AKAP13: variants seen among roughly 807,000 people sequenced by gnomAD.
AKAP13 encodes the protein A-kinase anchoring protein 13.
In AKAP13, 80 loss-of-function variants were observed where a neutral mutation model predicts 264.5. The observed-to-expected ratio is 0.30, with a 90% CI of 0.25 to 0.36. The LOEUF (loss-of-function observed/expected upper bound fraction) is 0.36. Ranked by LOEUF, AKAP13 falls within the 10% of genes least tolerant of loss-of-function variation. AKAP13 has a pLI of 1.00. For missense variants in AKAP13, 3,712 were observed against 3,435.2 expected, an observed-to-expected ratio of 1.08 and a Z score of -2.01; for synonymous variants, 1,380 against 1,250.2, an observed-to-expected ratio of 1.10 and a Z score of -2.19.
At chr15:85,612,861 T>G (rs72760494) in intron 8 of AKAP13, among the ~76,000 whole-genome samples, 12,118 of 150,580 alleles carry the variant, frequency 0.08, 676 homozygotes, top group East Asian at 0.2. Context: ...AAAGTAAATG[T>G]GGAGAGAACA....
At chr15:85,737,313 C>G (rs2088613199) in intron 33 of AKAP13, among the ~76,000 whole-genome samples, 1 of 152,100 alleles carries the variant, frequency 6.6e-6, no homozygotes, top group Non-Finnish European at 1.5e-5. Flanking sequence ...CATCCCCCAT[C>G]CCACCCCCAG....
At chr15:85,434,476 A>G (rs926531104) in intron 1 of AKAP13, among the ~76,000 whole-genome samples, 3 of 152,212 alleles carry the variant, frequency 2.0e-5, no homozygotes, top group Admixed American at 2.0e-4. Flanking sequence ...ACCACAGCTC[A>G]AGAAGGCCTG....
At chr15:85,569,515 C>T (rs1170352288) in intron 5 of AKAP13, among the ~76,000 whole-genome samples, 4 of 142,470 alleles carry the variant, frequency 2.8e-5, no homozygotes, top group Admixed American at 7.4e-5. Context: ...TGCAATGCAT[C>T]GATCTCGGCT....
chr15:85,699,458 A>G (rs2085776233), intron 17 of AKAP13, among the ~76,000 whole-genome samples: 1 of 151,440 alleles, frequency 6.6e-6, no homozygotes, highest in African/African-American at 2.4e-5. Flanking sequence ...AAAAAAAAAA[A>G]TTCTTTTTAC....
intron 12 of AKAP13, 84 bp from the exon 13 acceptor site, chr15:85,664,479 A>C: frequency 7.4e-7 from 1 of 1,343,624 alleles, no homozygotes; most frequent in Admixed American, 2.2e-5. Flanking sequence ...CAAACAAGGG[A>C]GATATACCCA....
intron 8 of AKAP13, among the ~76,000 whole-genome samples, chr15:85,630,210 TCATGAACTAAGATGGAAAATTGTAAC>T: frequency 8.4e-5 from 1 of 11,940 alleles, no homozygotes. Flanking sequence ...CACACACACA[TCATGAACTAAGATGGAAAATTGTAAC>T]ACACACACAC....
At chr15:85,477,645 A>G (rs1305935398) in intron 1 of AKAP13, among the ~76,000 whole-genome samples, 2 of 151,600 alleles carry the variant, frequency 1.3e-5, no homozygotes, top group Non-Finnish European at 2.9e-5. Context: ...AGGAAAAAAA[A>G]AAAAAAAAAA....
rs761019500 is a variant in AKAP13, at chr15:85,708,008, T to A, written c.5465-11T>A. Reference sequence around the variant, plus strand: ...TTTGTCCATGTGACCTTGGGTTTGCTTTCTTTTCAGATTGCAGTGCTTTTG... The same window carrying A: ...TTTGTCCATGTGACCTTGGGTTTGCATTCTTTTCAGATTGCAGTGCTTTTG... On this transcript the variant is annotated splice_polypyrimidine_tract_variant and intron_variant, in intron 17 of 36. Coordinates refer to ENST00000394518, the MANE Select transcript of AKAP13 (RefSeq NM_007200.5). This position sits in a 1 kb window ranked among gnomAD's most constrained non-coding sequence, Gnocchi z 4.3. The A allele has an allele frequency of 6.2e-7, 1 of 1,613,576 alleles. No individual in the cohort carries two copies. Among genetic ancestry groups the A allele is most frequent in the Non-Finnish European group, 8.5e-7 (1 of 1,179,716 alleles).
intron 1 of AKAP13, among the ~76,000 whole-genome samples, chr15:85,434,742 A>G (rs1298326887): frequency 6.6e-6 from 1 of 152,112 alleles, no homozygotes; most frequent in Non-Finnish European, 1.5e-5. Flanking sequence ...GTATTCTAAC[A>G]GACCTGCAGC....
intron 5 of AKAP13, among the ~76,000 whole-genome samples, chr15:85,556,957 C>T (rs1002165224): frequency 2.0e-5 from 3 of 152,194 alleles, no homozygotes; most frequent in African/African-American, 4.8e-5. Flanking sequence ...AAATTCTCTA[C>T]ACAATTTTGC....
rs769840692 is a variant in AKAP13 at position 85,580,332 on chromosome 15, T to C, written c.2264T>C (p.Met755Thr). ...AAACTAGATAAACCTTTAACAAATA[T>C]GCTTGAGGTGGTTTCACATCCACAT... Reference protein sequence around the residue: ...DVKLDKPLTNMLEVVSHPHPV... With the variant: ...DVKLDKPLTNTLEVVSHPHPV... Residue 755 changes from methionine (M) to threonine (T), a missense_variant, in exon 7 of 37, where the codon ATG becomes ACG. Met to Thr is a moderately conservative substitution (Grantham distance 81, BLOSUM62 -1). Coordinates refer to ENST00000394518, the MANE Select transcript of AKAP13 (RefSeq NM_007200.5). The C allele has an allele frequency of 3.7e-6, 6 of 1,614,088 alleles. No individual in the cohort carries two copies. The African/African-American group carries it at 4.0e-5, about 11-fold the overall frequency.
chr15:85,411,658 C>T (rs1195954564), intron 1 of AKAP13, among the ~76,000 whole-genome samples: 2 of 152,216 alleles, frequency 1.3e-5, no homozygotes, highest in South Asian at 4.2e-4. Context: ...AGGGTGGTCT[C>T]GATCTCTTGA....
chr15:85,644,635 G>T (rs376017554), intron 9 of AKAP13, among the ~76,000 whole-genome samples: 1 of 144,910 alleles, frequency 6.9e-6, no homozygotes, highest in Admixed American at 7.1e-5. Flanking sequence ...GGATCACATG[G>T]TCAGGAGATG....
At chr15:85,488,374 T>C (rs921343674) in intron 2 of AKAP13, among the ~76,000 whole-genome samples, 1 of 152,236 alleles carries the variant, frequency 6.6e-6, no homozygotes, top group Non-Finnish European at 1.5e-5. Context: ...AGATATGTTC[T>C]ATAGCTTTCT....
chr15:85,635,921 T>C (rs1012725490), intron 8 of AKAP13, among the ~76,000 whole-genome samples: 3 of 152,222 alleles, frequency 2.0e-5, no homozygotes, highest in African/African-American at 4.8e-5. Flanking sequence ...TTCTCTGCCA[T>C]TGATCTATAT....
At chr15:85,618,463 TTA>T (rs1204754764) in intron 8 of AKAP13, among the ~76,000 whole-genome samples, 2 of 151,844 alleles carry the variant, frequency 1.3e-5, no homozygotes, top group African/African-American at 4.9e-5. Context: ...TTTTTTTTTT[TTA>T]ATCCCTTTTT....
chr15:85,461,702 G>C (rs534283922), intron 1 of AKAP13, among the ~76,000 whole-genome samples: 142 of 151,910 alleles, frequency 9.3e-4, no homozygotes, highest in Non-Finnish European at 1.8e-3. Context: ...CTTTAGCCAT[G>C]GTGGTTCTTT....
At position 85,719,397 on chromosome 15, in the gene AKAP13, T is replaced by C. The variant is rs1266292816; in HGVS notation, c.6252+71T>C. 26 of 1,552,880 alleles carry C rather than the reference T, an allele frequency of 1.7e-5. No homozygotes were observed. In the Admixed American group the frequency reaches 2.2e-4, roughly 13 times the overall value. ...GGGAAGTCATGGGGTTCCACAGCCATGCATTCACATCTTCTTTCTACCATT... is the reference window on the plus strand; with the variant it reads ...GGGAAGTCATGGGGTTCCACAGCCACGCATTCACATCTTCTTTCTACCATT... On this transcript the variant is annotated intron_variant, in intron 23 of 36. Coordinates refer to ENST00000394518, the MANE Select transcript of AKAP13 (RefSeq NM_007200.5).
intron 8 of AKAP13, among the ~76,000 whole-genome samples, chr15:85,626,347 C>G (rs980317343): frequency 6.6e-6 from 1 of 152,190 alleles, no homozygotes; most frequent in Non-Finnish European, 1.5e-5. Context: ...CCAGCTGTCT[C>G]TCCAGAACTT....
Sources: gnomAD v4.1 joint callset for allele counts (sites outside exome capture counted in the v4.1 genomes callset) on GRCh38, gnomAD v4.1.1 for gene constraint, Gnocchi (gnomAD v3.1) non-coding constraint, MANE v1.5 for transcripts, NCBI Gene and HGNC (gene_info 2026-07-23, HGNC 2026-07-21) for gene names.